The following DSC3 variants were observed in gnomAD, a reference collection of about 807,000 sequenced individuals.
DSC3 encodes the protein desmocollin 3.
Under a neutral mutation model 89.5 loss-of-function variants are expected in DSC3, and 97 were observed. The ratio of observed to expected loss-of-function variants is 1.08; its 90% confidence interval spans 0.92 to 1.28. The LOEUF is 1.28. Ranked by LOEUF, DSC3 falls within the 50% of genes most tolerant of loss-of-function variation. The probability of loss-of-function intolerance (pLI) is 0.00; values close to 1 mark genes in which losing one functional copy is unlikely to be tolerated. For missense variants in DSC3, 1,199 were observed against 1,085.3 expected (o/e 1.10, Z -1.47); for synonymous variants, 436 against 384.1 (o/e 1.14, Z -1.58).
chr18:31,027,464 TTTCCTTCCTTCC>T (rs60932501), intron 4 of DSC3, among the ~76,000 whole-genome samples: 2 of 147,556 alleles, frequency 1.4e-5, no homozygotes, highest in African/African-American at 5.0e-5. Context: ...GATGCATTGG[TTTCCTTCCTTCC>T]TTCCTTCCTT....
At chr18:31,000,910 G>A (rs1984629158) in intron 14 of DSC3, among the ~76,000 whole-genome samples, 1 of 151,478 alleles carries the variant, frequency 6.6e-6, no homozygotes, top group South Asian at 2.1e-4. Context: ...CATAAAGTAG[G>A]ATCTATTTCT....
intron 13 of DSC3, among the ~76,000 whole-genome samples, 186 bp from the exon 14 acceptor site, chr18:31,001,925 C>G (rs1189177075): frequency 1.3e-5 from 2 of 152,042 alleles, no homozygotes; most frequent in Non-Finnish European, 2.9e-5. Flanking sequence ...GAATCAGAAG[C>G]AATCATCTGT....
intron 7 of DSC3, among the ~76,000 whole-genome samples, chr18:31,020,748 G>A (rs1985391357): frequency 6.6e-6 from 1 of 151,998 alleles, no homozygotes; most frequent in Non-Finnish European, 1.5e-5. Context: ...GTCGAGACCA[G>A]CCTAGGCAGC....
At chr18:31,036,798 C>CTTTTTTTTTTTTTTTTTTTTTTTTTTT (rs775187201) in intron 1 of DSC3, among the ~76,000 whole-genome samples, 7 of 107,422 alleles carry the variant, frequency 6.5e-5, no homozygotes, top group East Asian at 4.6e-4. Flanking sequence ...TTCTTTCTTC[C>CTTTTTTTTTTTTTTTTTTTTTTTTTTT]TTTTTTTTTT....
At chr18:31,023,722 C>A (rs1480279036) in intron 6 of DSC3, among the ~76,000 whole-genome samples, 4 of 152,106 alleles carry the variant, frequency 2.6e-5, no homozygotes, top group Non-Finnish European at 4.4e-5. Context: ...CTCCATATTA[C>A]AAGTCTCAGA....
intron 1 of DSC3, among the ~76,000 whole-genome samples, chr18:31,041,434 C>G (rs1343866514): frequency 6.6e-6 from 1 of 152,148 alleles, no homozygotes; most frequent in African/African-American, 2.4e-5. Context: ...ACTACCAATC[C>G]CATATTCATA....
chr18:31,029,054 A>G (rs1168729666), intron 4 of DSC3, among the ~76,000 whole-genome samples: 1 of 152,108 alleles, frequency 6.6e-6, no homozygotes, highest in Admixed American at 6.5e-5. Flanking sequence ...CTTGCTTTTT[A>G]CCACCTTACC....
Position 31,016,661 on chromosome 18 carries a change from C to T in DSC3, c.1263+1410G>A, listed in dbSNP as rs529431956. On this transcript the variant is annotated intron_variant, in intron 9 of 15. Coordinates refer to ENST00000360428, the MANE Select transcript of DSC3 (RefSeq NM_001941.5). Reference sequence around the variant, plus strand: ...GGTTCCCTCTAAAACCAGAGGGCTCCCTCAGCAGACAGCAGGCACAGCCCA... The same window carrying T: ...GGTTCCCTCTAAAACCAGAGGGCTCTCTCAGCAGACAGCAGGCACAGCCCA... Among the ~76,000 whole-genome samples, 5 of 152,242 alleles carry T rather than the reference C, an allele frequency of 3.3e-5. No individual in the cohort carries two copies. The East Asian group carries it at 9.7e-4, about 29-fold the overall frequency.
chr18:31,023,933 C>G (rs896026089), intron 6 of DSC3, among the ~76,000 whole-genome samples: 1 of 151,824 alleles, frequency 6.6e-6, no homozygotes, highest in Admixed American at 6.6e-5. Flanking sequence ...AAAACTGTAC[C>G]CTTAGTGGAT....
intron 9 of DSC3, among the ~76,000 whole-genome samples, chr18:31,016,088 C>G (rs1273544062): frequency 2.0e-5 from 3 of 152,280 alleles, no homozygotes; most frequent in Non-Finnish European, 4.4e-5. Context: ...CAGAAGTTAC[C>G]TGATATGATC....
At position 30,996,998 on chromosome 18, in the gene DSC3, A is replaced by G. The variant is rs1487042597; in HGVS notation, c.2286T>C (p.Gly762=). 8 of 1,614,096 alleles carry G rather than the reference A, an allele frequency of 5.0e-6. No homozygotes were observed. The highest frequency in any genetic ancestry group is 6.8e-6 in the Non-Finnish European group (8 of 1,180,022). The change falls in exon 15 of 16, where the codon GGT becomes GGC. Residue 762 remains glycine, a synonymous_variant. Transcript: ENST00000360428. ...MTQTTNNSSQ[G]FCGTMGSGMK... is the part of the protein sequence containing the mutation. ...TTCCTGATCCCATAGTACCACAAAAACCTTGGCTAGAGTTGTTGGTAGTTT... is the reference window on the plus strand; with the variant it reads ...TTCCTGATCCCATAGTACCACAAAAGCCTTGGCTAGAGTTGTTGGTAGTTT...
chr18:30,995,891 G>A (rs1282800139), intron 15 of DSC3, among the ~76,000 whole-genome samples: 1 of 144,254 alleles, frequency 6.9e-6, no homozygotes, highest in African/African-American at 2.6e-5. Flanking sequence ...AGGATCACCT[G>A]AGCCCAGGAG....
In DSC3 at chr18:31,007,277, C is replaced by G. The variant is rs750701484; in HGVS notation, c.1664-146G>C. On this transcript the variant is annotated intron_variant, in intron 11 of 15. Transcript: ENST00000360428. ...AATGATAAATAAATAAGAACATAGACAGATAAATAGAATCTGCAGCTAATT... is the reference window on the plus strand; with the variant it reads ...AATGATAAATAAATAAGAACATAGAGAGATAAATAGAATCTGCAGCTAATT... 24 of 634,520 alleles carry G rather than the reference C, an allele frequency of 3.8e-5. No individual in the cohort carries two copies. The African/African-American group carries it at 3.9e-4, about 10-fold the overall frequency. The allele number at this position is 634,520 out of a possible 1,614,324, so 39.3% of individuals were successfully genotyped here. A position where few individuals can be genotyped will look rare whatever the true frequency, so the allele number is the denominator to read the frequency against.
chr18:31,042,506 C>T (rs1986166701), intron 1 of DSC3, 86 bp downstream of exon 1: 5 of 1,387,382 alleles, frequency 3.6e-6, no homozygotes, highest in Non-Finnish European at 4.0e-6. Context: ...CACGTTTCGG[C>T]CCGCTTTGTC....
chr18:31,030,624 C>G (rs57224337), intron 3 of DSC3, among the ~76,000 whole-genome samples: 1 of 151,532 alleles, frequency 6.6e-6, no homozygotes, highest in Admixed American at 6.6e-5. Context: ...AAACCAAAAC[C>G]AGAGTTCAAC....
intron 4 of DSC3, among the ~76,000 whole-genome samples, chr18:31,027,410 C>T (rs1348859894): frequency 6.6e-6 from 1 of 152,000 alleles, no homozygotes; most frequent in Non-Finnish European, 1.5e-5. Context: ...AGGCAGGTGT[C>T]TCATTTTTGC....
rs1169591795 is a variant in DSC3 at position 30,993,623 on chromosome 18, T to C, written c.*552A>G. ...ACACATTTATTTCCAACTATATTCC[T>C]ATAGAAAATTGCTACTTCATAGGGC... On this transcript the variant is annotated 3_prime_UTR_variant, in exon 16 of 16. Transcript: ENST00000360428. 6.5e-6 allele frequency: 1 copy of C among 153,604 alleles called. No individual in the cohort carries two copies. The highest frequency in any genetic ancestry group is 1.4e-5 in the Non-Finnish European group (1 of 69,070). 9.5% of individuals were successfully genotyped at this position (153,604 alleles called of 1,614,324 possible). A position where few individuals can be genotyped will look rare whatever the true frequency, so the allele number is the denominator to read the frequency against.
At chr18:31,025,008 T>C (rs1308860953) in intron 5 of DSC3, among the ~76,000 whole-genome samples, 1 of 152,192 alleles carries the variant, frequency 6.6e-6, no homozygotes, top group Non-Finnish European at 1.5e-5. Flanking sequence ...AAATAGAATA[T>C]ATTTTACTGA....
At chr18:31,019,258 T>A (rs1313462853) in intron 7 of DSC3, among the ~76,000 whole-genome samples, 5 of 151,670 alleles carry the variant, frequency 3.3e-5, no homozygotes, top group Non-Finnish European at 5.9e-5. Flanking sequence ...GCCCAGCTAA[T>A]TTTTTGTATT....
Sources: gnomAD v4.1 joint callset for allele counts (sites outside exome capture counted in the v4.1 genomes callset) on GRCh38, gnomAD v4.1.1 for gene constraint, MANE v1.5 for transcripts, NCBI Gene and HGNC (gene_info 2026-07-23, HGNC 2026-07-21) for gene names.